HNRNPC: variants seen among roughly 807,000 people sequenced by gnomAD.
HNRNPC encodes heterogeneous nuclear ribonucleoprotein C.
Under a neutral mutation model 33.2 loss-of-function variants are expected in HNRNPC, and 3 were observed. The observed-to-expected ratio is 0.09, with a 90% CI of 0.04 to 0.23. The LOEUF (loss-of-function observed/expected upper bound fraction) is 0.23, where lower values mean the gene tolerates loss of function less well. HNRNPC is among the 10% of genes least tolerant of loss of function. The pLI is 1.00. For synonymous variants in HNRNPC, 121 were observed against 126.7 expected, an observed-to-expected ratio of 0.96 and a Z score of 0.30; for missense variants, 143 against 366.7, an observed-to-expected ratio of 0.39 and a Z score of 4.98.
rs1314165461 is a variant in HNRNPC at position 21,210,950 on chromosome 14, T to A, written c.*273A>T. ...GGAGACAGTTGATAAAAACCATACA[T>A]CCTTTTTATTGTTAAGTCATAAAGA... On this transcript the variant is annotated 3_prime_UTR_variant, in exon 9 of 9. Coordinates refer to ENST00000553300, the MANE Select transcript of HNRNPC (RefSeq NM_004500.4). 1.5e-5 allele frequency: 7 copies of A among 466,628 alleles called. No homozygotes were observed. Among genetic ancestry groups the A allele is most frequent in the Admixed American group, 3.6e-5 (1 of 28,018 alleles). 28.9% of individuals were successfully genotyped at this position (466,628 alleles called of 1,614,324 possible).
At chr14:21,244,341 T>C (rs1159461747) in intron 2 of HNRNPC, among the ~76,000 whole-genome samples, 1 of 152,232 alleles carries the variant, frequency 6.6e-6, no homozygotes, top group Non-Finnish European at 1.5e-5. Flanking sequence ...CAAAATTGTT[T>C]CCTTTCAATG....
intron 2 of HNRNPC, among the ~76,000 whole-genome samples, chr14:21,245,692 A>G (rs2138851413): frequency 6.6e-6 from 1 of 152,138 alleles, no homozygotes; most frequent in African/African-American, 2.4e-5. Flanking sequence ...TGTAAAACAA[A>G]TTTTTCTTTT....
intron 6 of HNRNPC, 70 bp from the exon 7 acceptor site, chr14:21,211,993 AC>A: frequency 8.4e-7 from 1 of 1,186,142 alleles, no homozygotes; most frequent in Non-Finnish European, 1.3e-6. Context: ...ATACACTGCC[AC>A]CAGACTACAT....
chr14:21,220,916 G>A (rs751733336), intron 5 of HNRNPC, among the ~76,000 whole-genome samples: 9 of 151,768 alleles, frequency 5.9e-5, no homozygotes, highest in Non-Finnish European at 1.2e-4. Context: ...GTGAAACCCC[G>A]TCTCTACTAA....
chr14:21,228,650 A>C (rs999986744), intron 5 of HNRNPC, among the ~76,000 whole-genome samples: 1 of 151,948 alleles, frequency 6.6e-6, no homozygotes, highest in African/African-American at 2.4e-5. Context: ...CCTTGGCCTC[A>C]CAAAGTGCTG....
chr14:21,211,430 A>G lies in HNRNPC; in HGVS notation c.774T>C (p.Asp258=). ...AEEGDLLDDD[D]NEDRGDDQLE... The stretch of plus-strand genomic sequence containing the variant: ...CCTGGTCATCCCCCCGATCTTCATT[A>G]TCATCATCATCCAGTAGGTCCCCCT... Residue 258 remains aspartate (D), a synonymous_variant, in exon 8 of 9, where the codon GAT becomes GAC. Transcript: ENST00000553300. The G allele has an allele frequency of 6.9e-7, 1 of 1,450,170 alleles. No individual in the cohort carries two copies. Among genetic ancestry groups the G allele is most frequent in the Non-Finnish European group, 9.2e-7 (1 of 1,087,520 alleles). 89.8% of individuals were successfully genotyped at this position (1,450,170 alleles called of 1,614,324 possible).
chr14:21,222,977 G>C (rs955984072), intron 5 of HNRNPC, among the ~76,000 whole-genome samples: 1 of 152,072 alleles, frequency 6.6e-6, no homozygotes, highest in Non-Finnish European at 1.5e-5. Context: ...GAGGCGGCCA[G>C]ATCTCGAGGT....
chr14:21,214,572 T>A (rs1309324590), intron 5 of HNRNPC, among the ~76,000 whole-genome samples: 4 of 151,748 alleles, frequency 2.6e-5, no homozygotes, highest in African/African-American at 9.7e-5. Flanking sequence ...AGAGCAACAC[T>A]GTCTCAAAAA....
chr14:21,245,397 G>GA (rs1460878779), intron 2 of HNRNPC, among the ~76,000 whole-genome samples: 1 of 152,036 alleles, frequency 6.6e-6, no homozygotes, highest in Non-Finnish European at 1.5e-5. Flanking sequence ...TCGCGAGGCG[G>GA]AGGCAGGAGA....
intron 2 of HNRNPC, among the ~76,000 whole-genome samples, chr14:21,245,451 C>T (rs1469006486): frequency 6.6e-6 from 1 of 152,002 alleles, no homozygotes; most frequent in African/African-American, 2.4e-5. Context: ...GGGCTGAGAT[C>T]GCACCACTGC....
rs370176648 is a variant in HNRNPC at position 21,259,143 on chromosome 14, T to C, written c.-37+4168A>G. On this transcript the variant is annotated intron_variant, in intron 2 of 8. Coordinates refer to ENST00000553300, the MANE Select transcript of HNRNPC (RefSeq NM_004500.4). ...CTTGGTAATTATTTTCCAGTATTAT[T>C]TCTTACTTGGAGGCCAAGTCTTGTT... Among the ~76,000 whole-genome samples the C allele has an allele frequency of 6.6e-5, 10 of 152,304 alleles. No homozygotes were observed. The East Asian group carries it at 1.2e-3, about 18-fold the overall frequency.
intron 2 of HNRNPC, among the ~76,000 whole-genome samples, chr14:21,237,139 T>G (rs1043004774): frequency 6.6e-6 from 1 of 152,170 alleles, no homozygotes; most frequent in Non-Finnish European, 1.5e-5. Flanking sequence ...CAAGAGCAGT[T>G]GCATCCCTGT....
At chr14:21,229,403 A>C (rs1298731690) in intron 5 of HNRNPC, among the ~76,000 whole-genome samples, 9 of 152,052 alleles carry the variant, frequency 5.9e-5, no homozygotes, top group Non-Finnish European at 1.3e-4. Flanking sequence ...GGAAACCGCT[A>C]ATGTCAAATG....
intron 2 of HNRNPC, among the ~76,000 whole-genome samples, chr14:21,239,054 G>A (rs1895047675): frequency 9.8e-6 from 1 of 102,548 alleles, no homozygotes; most frequent in African/African-American, 4.5e-5. Context: ...TTGAACATGG[G>A]AGGAGGTTGC....
chr14:21,237,907 G>C (rs1894896459), intron 2 of HNRNPC, among the ~76,000 whole-genome samples: 1 of 152,186 alleles, frequency 6.6e-6, no homozygotes, highest in Admixed American at 6.5e-5. Context: ...CAGTAGCTGG[G>C]ATTACAGGCA....
intron 5 of HNRNPC, among the ~76,000 whole-genome samples, chr14:21,229,792 T>G (rs1893903802): frequency 6.6e-6 from 1 of 152,202 alleles, no homozygotes. Flanking sequence ...ATAAGACAAA[T>G]AGTATATAAA....
chr14:21,217,962 G>A (rs1426073451), intron 5 of HNRNPC, among the ~76,000 whole-genome samples: 1 of 152,098 alleles, frequency 6.6e-6, no homozygotes, highest in Admixed American at 6.6e-5. Flanking sequence ...AATCTAGTCT[G>A]TAACAGGCAG....
chr14:21,211,520 G>C lies in HNRNPC; in HGVS notation c.684C>G (p.Ser228=), dbSNP rs751888875. 6.2e-7 allele frequency: 1 copy of C among 1,611,466 alleles called. No individual in the cohort carries two copies. The part of the protein sequence containing the change: ...DKSEEEQSSS[S]VKKDETNVKM... ...TCACATTAGTCTCATCTTTCTTCAC[G>C]GAGCTGCTGCTCTGCTCCTCTTCTG... The change falls in exon 8 of 9, where the codon TCC becomes TCG. Residue 228 remains serine (S), a synonymous_variant. Coordinates refer to ENST00000553300, the MANE Select transcript of HNRNPC (RefSeq NM_004500.4).
At chr14:21,253,958 C>T (rs1464904058) in intron 2 of HNRNPC, among the ~76,000 whole-genome samples, 1 of 150,326 alleles carries the variant, frequency 6.7e-6, no homozygotes, top group East Asian at 1.9e-4. Flanking sequence ...GTCCCAGCTA[C>T]TCAGGAGGCT....
Sources: allele counts gnomAD v4.1 joint callset (sites outside exome capture counted in the v4.1 genomes callset), GRCh38; gene constraint gnomAD v4.1.1; transcripts MANE v1.5; gene names NCBI Gene and HGNC (gene_info 2026-07-23, HGNC 2026-07-21).